ZC3H15: variants seen among roughly 807,000 people sequenced by gnomAD.
ZC3H15 encodes zinc finger CCCH domain-containing protein 15.
In ZC3H15, 15 loss-of-function variants were observed where a neutral mutation model predicts 51.2. The ratio of observed to expected loss-of-function variants is 0.29; its 90% CI spans 0.20 to 0.45. The LOEUF (loss-of-function observed/expected upper bound fraction) is 0.45, where lower values mean the gene tolerates loss of function less well. ZC3H15 is among the 20% of genes least tolerant of loss of function. The pLI, the probability that ZC3H15 is intolerant of heterozygous loss-of-function variation, is 1.00. For synonymous variants in ZC3H15, 144 were observed against 162.8 expected (o/e 0.88, Z 0.88); for missense variants, 381 against 494.7 (o/e 0.77, Z 2.18).
chr2:186,506,720 A>G lies in ZC3H15; in HGVS notation c.974A>G (p.Asp325Gly), dbSNP rs1335335064. The change falls in exon 9 of 10, where the codon GAT (aspartate) becomes GGT (glycine). Residue 325 changes from aspartate (D) to glycine (G), a missense_variant. Coordinates refer to ENST00000337859, the MANE Select transcript of ZC3H15 (RefSeq NM_018471.3). ...TTCTATATGTTGTTAAAGGTTGATGATTCAGTGAGTGTAAATGACATAGAT... is the reference window on the plus strand; with the variant it reads ...TTCTATATGTTGTTAAAGGTTGATGGTTCAGTGAGTGTAAATGACATAGAT... The part of the protein sequence containing the change: ...TQGTGGDEVD[D>G]SVSVNDIDLS... 1 of 1,609,222 alleles carries G rather than the reference A, an allele frequency of 6.2e-7. No homozygotes were observed. The highest frequency in any genetic ancestry group is 8.5e-7 in the Non-Finnish European group (1 of 1,177,808).
intron 1 of ZC3H15, among the ~76,000 whole-genome samples, chr2:186,490,643 T>C (rs946398747): frequency 6.6e-6 from 1 of 152,218 alleles, no homozygotes; most frequent in African/African-American, 2.4e-5. Context: ...CTCCATTATC[T>C]TGGAGCACTA....
At chr2:186,508,469 C>G in intron 9 of ZC3H15, 74 bp from the exon 10 acceptor site, 1 of 1,307,550 alleles carries the variant, frequency 7.6e-7, no homozygotes, top group African/African-American at 1.5e-5. Context: ...TAGTATCAGT[C>G]TATGTTGTCT....
intron 1 of ZC3H15, among the ~76,000 whole-genome samples, chr2:186,492,430 C>G (rs748446302): frequency 3.9e-5 from 6 of 152,144 alleles, no homozygotes; most frequent in Admixed American, 2.0e-4. Flanking sequence ...GTGCTTCTTA[C>G]CTTTTTTCAT....
At chr2:186,504,291 C>A in intron 6 of ZC3H15, 77 bp downstream of exon 6, 3 of 1,028,926 alleles carry the variant, frequency 2.9e-6, no homozygotes, top group South Asian at 3.0e-5. Context: ...CCACTTGGGG[C>A]AATAGCCTTT....
intron 5 of ZC3H15, 78 bp from the exon 6 acceptor site, chr2:186,503,954 T>G: frequency 8.3e-7 from 1 of 1,202,172 alleles, no homozygotes; most frequent in Non-Finnish European, 1.1e-6. Flanking sequence ...GTGTGTATAC[T>G]TGTTCCATAT....
At chr2:186,493,854 G>A (rs778242888) in intron 1 of ZC3H15, among the ~76,000 whole-genome samples, 40 of 148,392 alleles carry the variant, frequency 2.7e-4, no homozygotes, top group Non-Finnish European at 8.9e-5. Context: ...ACCAGTTATT[G>A]GATCTAGGGC....
chr2:186,493,141 A>G (rs1032921577), intron 1 of ZC3H15, among the ~76,000 whole-genome samples: 6 of 151,912 alleles, frequency 3.9e-5, no homozygotes, highest in Admixed American at 1.3e-4. Context: ...AAACTCAACA[A>G]TGGGAAGCAC....
chr2:186,497,051 A>T (rs1685293513), intron 2 of ZC3H15: 1 of 373,498 alleles, frequency 2.7e-6, no homozygotes. Context: ...CATTTGAAAA[A>T]AATGTAGCCC....
At chr2:186,499,889 G>A (rs1482399292) in intron 2 of ZC3H15, among the ~76,000 whole-genome samples, 1 of 152,192 alleles carries the variant, frequency 6.6e-6, no homozygotes, top group African/African-American at 2.4e-5. Flanking sequence ...TGTTTTCACA[G>A]AAGAATATTG....
rs1685456496 is a variant in ZC3H15, at chr2:186,505,737, T to C, written c.865-3T>C. The C allele has an allele frequency of 6.2e-7, 1 of 1,613,844 alleles. No individual in the cohort carries two copies. Among genetic ancestry groups the C allele is most frequent in the Admixed American group, 1.7e-5 (1 of 59,974 alleles). ...GAGTTGATATATTTGTGTGTCTCAA[T>C]AGATCAGTGGTCGTGAAGTGTTTGA... On this transcript the variant is annotated splice_polypyrimidine_tract_variant and splice_region_variant and intron_variant, in intron 7 of 9. Coordinates refer to ENST00000337859, the MANE Select transcript of ZC3H15 (RefSeq NM_018471.3).
intron 1 of ZC3H15, among the ~76,000 whole-genome samples, chr2:186,490,161 A>T (rs1685170826): frequency 6.6e-6 from 1 of 152,172 alleles, no homozygotes; most frequent in Non-Finnish European, 1.5e-5. Context: ...CATTTGTATT[A>T]ATACTTTCCG....
At chr2:186,497,982 C>A (rs959129621) in intron 2 of ZC3H15, among the ~76,000 whole-genome samples, 1 of 152,120 alleles carries the variant, frequency 6.6e-6, no homozygotes, top group African/African-American at 2.4e-5. Flanking sequence ...ACTGCTGTCT[C>A]CCCTCAGGTA....
At chr2:186,486,637 C>T (rs932330413) in intron 1 of ZC3H15, among the ~76,000 whole-genome samples, 180 bp downstream of exon 1, 5 of 152,108 alleles carry the variant, frequency 3.3e-5, no homozygotes, top group African/African-American at 7.2e-5. Context: ...ACTATAGTGA[C>T]GCTGCTGGCG....
intron 9 of ZC3H15, chr2:186,507,380 T>G (rs1685485440): frequency 4.4e-6 from 2 of 456,424 alleles, no homozygotes; most frequent in Admixed American, 4.7e-5. Context: ...CAGTCCTCTC[T>G]CTCTTAATGT....
At chr2:186,500,631 T>C (rs559945625) in intron 3 of ZC3H15, 4 of 491,396 alleles carry the variant, frequency 8.1e-6, no homozygotes, top group Non-Finnish European at 1.6e-5. Context: ...TTGGCACTGT[T>C]CTGTCATGTA....
chr2:186,496,808 G>A (rs550879814), intron 2 of ZC3H15, among the ~76,000 whole-genome samples: 4 of 152,274 alleles, frequency 2.6e-5, no homozygotes, highest in African/African-American at 7.2e-5. Context: ...GTAATGATTT[G>A]TGTCTGAACA....
Position 186,487,933 on chromosome 2 carries a change from T to C in ZC3H15, c.75+1476T>C, listed in dbSNP as rs564227578. Among the ~76,000 whole-genome samples the C allele has an allele frequency of 5.3e-5, 8 of 152,324 alleles. No individual in the cohort carries two copies. In the East Asian group the frequency reaches 1.5e-3, roughly 29 times the overall value. Reference sequence around the variant, plus strand: ...TTTAAGGAATTATGTGTGAAAGTTGTTTATAGTATCCATCAACTTTTAAAA... The same window carrying C: ...TTTAAGGAATTATGTGTGAAAGTTGCTTATAGTATCCATCAACTTTTAAAA... On this transcript the variant is annotated intron_variant, in intron 1 of 9. Coordinates refer to ENST00000337859, the MANE Select transcript of ZC3H15 (RefSeq NM_018471.3).
In ZC3H15 at chr2:186,502,934, T is replaced by G. The variant is rs1422494170; in HGVS notation, c.534+347T>G. On this transcript the variant is annotated intron_variant, in intron 5 of 9. Coordinates refer to ENST00000337859, the MANE Select transcript of ZC3H15 (RefSeq NM_018471.3). Reference sequence around the variant, plus strand: ...AGGAGGCCTGTTAAACTAACCCACTTAATAATGTATTTAGTTTTAATAGGG... The same window carrying G: ...AGGAGGCCTGTTAAACTAACCCACTGAATAATGTATTTAGTTTTAATAGGG... Among the ~76,000 whole-genome samples, 5 of 152,326 alleles carry G rather than the reference T, an allele frequency of 3.3e-5. No homozygotes were observed. In the East Asian group the frequency reaches 9.6e-4, roughly 29 times the overall value.
chr2:186,505,724 T>C lies in ZC3H15; in HGVS notation c.865-16T>C. The C allele has an allele frequency of 1.2e-6, 2 of 1,612,224 alleles. No individual in the cohort carries two copies. Among genetic ancestry groups the C allele is most frequent in the Non-Finnish European group, 1.7e-6 (2 of 1,178,394 alleles). On this transcript the variant is annotated splice_polypyrimidine_tract_variant and intron_variant, in intron 7 of 9. Transcript: ENST00000337859. Reference sequence around the variant, plus strand: ...AGATTTTTGTCCTGAGTTGATATATTTGTGTGTCTCAATAGATCAGTGGTC... The same window carrying C: ...AGATTTTTGTCCTGAGTTGATATATCTGTGTGTCTCAATAGATCAGTGGTC...
Sources: allele counts gnomAD v4.1 joint callset (sites outside exome capture counted in the v4.1 genomes callset), GRCh38; gene constraint gnomAD v4.1.1; transcripts MANE v1.5; gene names NCBI Gene and HGNC (gene_info 2026-07-23, HGNC 2026-07-21).